The following NRXN3 variants were observed in gnomAD, a reference collection of about 807,000 sequenced individuals.
NRXN3 encodes neurexin III.
NRXN3 carries 32 observed loss-of-function variants against 137.6 expected under a neutral mutation model. The ratio of observed to expected loss-of-function variants is 0.23; its 90% CI spans 0.18 to 0.31. The LOEUF (loss-of-function observed/expected upper bound fraction) is 0.31. Ranked by LOEUF, NRXN3 falls within the 10% of genes least tolerant of loss-of-function variation. The pLI, the probability that NRXN3 is intolerant of heterozygous loss-of-function variation, is 1.00. For synonymous variants in NRXN3, 798 were observed against 784.5 expected, an observed-to-expected ratio of 1.02 and a Z score of -0.29; for missense variants, 1,574 against 2,062.5, an observed-to-expected ratio of 0.76 and a Z score of 4.59.
At chr14:78,875,686 TAC>T (rs768165186) in intron 10 of NRXN3, among the ~76,000 whole-genome samples, 23 of 152,342 alleles carry the variant, frequency 1.5e-4, no homozygotes, top group Middle Eastern at 6.8e-3. Context: ...TTATTTTAAA[TAC>T]ACAGTGTTTT....
intron 15 of NRXN3, among the ~76,000 whole-genome samples, chr14:79,465,811 A>G (rs1385566056): frequency 6.6e-6 from 1 of 152,168 alleles, no homozygotes; most frequent in Non-Finnish European, 1.5e-5. Flanking sequence ...CTGTTACCAA[A>G]TGTGCTCTGA....
chr14:78,403,645 T>G, intron 4 of NRXN3: 6 of 886,260 alleles, frequency 6.8e-6, no homozygotes, highest in Non-Finnish European at 8.1e-6. Flanking sequence ...ATTTGAAGGG[T>G]GAGAGAGTTG....
chr14:79,074,182 C>T (rs974887835), intron 15 of NRXN3, among the ~76,000 whole-genome samples: 1 of 152,184 alleles, frequency 6.6e-6, no homozygotes, highest in African/African-American at 2.4e-5. Context: ...CACATTTCTA[C>T]AAACTAGCTC....
intron 4 of NRXN3, among the ~76,000 whole-genome samples, chr14:78,400,933 C>T (rs1036013573): frequency 3.9e-5 from 6 of 152,090 alleles, no homozygotes; most frequent in African/African-American, 1.4e-4. Flanking sequence ...AATTTATAAA[C>T]AAGGGAAATT....
chr14:79,666,476 C>A (rs1291018527), intron 17 of NRXN3, among the ~76,000 whole-genome samples: 1 of 152,000 alleles, frequency 6.6e-6, no homozygotes, highest in Non-Finnish European at 1.5e-5. Context: ...AATACCCTAT[C>A]AATTAGACAA....
chr14:79,667,465 A>G (rs1435383958), intron 17 of NRXN3, among the ~76,000 whole-genome samples: 2 of 152,180 alleles, frequency 1.3e-5, no homozygotes, highest in East Asian at 3.9e-4. Flanking sequence ...CAGTCTTCTC[A>G]TGGGCATTTA....
intron 4 of NRXN3, among the ~76,000 whole-genome samples, chr14:78,456,292 G>A (rs967858567): frequency 6.6e-5 from 10 of 152,116 alleles, no homozygotes; most frequent in South Asian, 4.1e-4. Context: ...TACAAAAAGC[G>A]GCTCAGGTTT....
intron 15 of NRXN3, among the ~76,000 whole-genome samples, chr14:79,064,725 A>G (rs879544030): frequency 0.17 from 14,757 of 88,792 alleles, 857 homozygotes; most frequent in Middle Eastern, 0.27. Context: ...ATAATTACCC[A>G]TATATATGTA....
chr14:79,774,149 T>C (rs1054625602), intron 19 of NRXN3, among the ~76,000 whole-genome samples: 12 of 152,176 alleles, frequency 7.9e-5, no homozygotes, highest in Admixed American at 5.9e-4. Flanking sequence ...TGGAAAGTTA[T>C]AAAATGCTAA....
At chr14:78,414,159 G>A (rs1468082740) in intron 4 of NRXN3, among the ~76,000 whole-genome samples, 1 of 152,008 alleles carries the variant, frequency 6.6e-6, no homozygotes. Context: ...GTCTTTATTA[G>A]CAGCATGAGA....
intron 4 of NRXN3, among the ~76,000 whole-genome samples, chr14:78,521,391 A>ATAT (rs2096281939): frequency 6.6e-6 from 1 of 152,194 alleles, no homozygotes; most frequent in African/African-American, 2.4e-5. Context: ...GGCCATTTAG[A>ATAT]TATTAATCAT....
At chr14:79,322,060 C>T (rs150363036) in intron 15 of NRXN3, among the ~76,000 whole-genome samples, 2 of 151,918 alleles carry the variant, frequency 1.3e-5, no homozygotes, top group East Asian at 3.9e-4. Context: ...ACAGCAAGAT[C>T]CCATCTTAAA....
At chr14:79,641,717 G>C (rs183224366) in intron 16 of NRXN3, among the ~76,000 whole-genome samples, 1 of 135,102 alleles carries the variant, frequency 7.4e-6, no homozygotes, top group African/African-American at 2.5e-5. Flanking sequence ...GCACACAAAG[G>C]CTCCCTCCAA....
At chr14:79,526,084 G>C (rs1351446488) in intron 16 of NRXN3, among the ~76,000 whole-genome samples, 10 of 152,146 alleles carry the variant, frequency 6.6e-5, no homozygotes, top group South Asian at 2.1e-4. Context: ...TTTTGCTTTT[G>C]TTGCCCAGGC....
intron 4 of NRXN3, among the ~76,000 whole-genome samples, chr14:78,449,799 G>T (rs185124616): frequency 6.6e-6 from 1 of 152,202 alleles, no homozygotes; most frequent in Non-Finnish European, 1.5e-5. Context: ...TATGGATGAT[G>T]CAAATAAGGC....
Position 78,628,208 on chromosome 14 carries a change from G to C in NRXN3, c.758-16912G>C, listed in dbSNP as rs560409208. ...CTGCCTCAGCCTCCCAAGTAGCTGG[G>C]ACTATAGACACATGCCACCGTGCCC... On this transcript the variant is annotated intron_variant, in intron 4 of 20. Coordinates refer to ENST00000335750, the MANE Select transcript of NRXN3 (RefSeq NM_001330195.2). Among the ~76,000 whole-genome samples, 3 of 152,014 alleles carry C rather than the reference G, an allele frequency of 2.0e-5. No homozygotes were observed. In the East Asian group the frequency reaches 5.8e-4, roughly 29 times the overall value.
At chr14:79,765,657 C>T (rs1366695988) in intron 19 of NRXN3, among the ~76,000 whole-genome samples, 1 of 152,176 alleles carries the variant, frequency 6.6e-6, no homozygotes, top group Non-Finnish European at 1.5e-5. Context: ...ATATCTTTAG[C>T]AAATCACATA....
chr14:79,346,337 C>A (rs1481617747), intron 15 of NRXN3, among the ~76,000 whole-genome samples: 1 of 152,168 alleles, frequency 6.6e-6, no homozygotes, highest in South Asian at 2.1e-4. Context: ...AGGAGAATCA[C>A]CTGAACGCGG....
chr14:78,959,563 A>G (rs2099404032), intron 11 of NRXN3, among the ~76,000 whole-genome samples: 1 of 152,202 alleles, frequency 6.6e-6, no homozygotes, highest in African/African-American at 2.4e-5. Flanking sequence ...TCACAAAAAC[A>G]AAGACAAACA....
Sources: allele counts gnomAD v4.1 joint callset (sites outside exome capture counted in the v4.1 genomes callset), GRCh38; gene constraint gnomAD v4.1.1; transcripts MANE v1.5; gene names NCBI Gene and HGNC (gene_info 2026-07-23, HGNC 2026-07-21).